The following ARID5B variants were observed in gnomAD, a reference collection of about 807,000 sequenced individuals.
ARID5B encodes the protein AT-rich interaction domain 5B.
In ARID5B, 13 loss-of-function variants were observed where a neutral mutation model predicts 97.2. That is an observed-to-expected ratio of 0.13 (90% CI 0.09 to 0.21). The LOEUF is 0.21. Ranked by LOEUF, ARID5B falls within the 10% of genes least tolerant of loss-of-function variation. ARID5B has a pLI of 1.00. For missense variants in ARID5B, 1,210 were observed against 1,465.3 expected (o/e 0.83, Z 2.84); for synonymous variants, 556 against 570.3 (o/e 0.97, Z 0.36).
chr10:62,091,094 G>A lies in ARID5B; in HGVS notation c.1631G>A (p.Ser544Asn), dbSNP rs1324959279. The change falls in exon 10 of 10, where the codon AGT (serine) becomes AAT (asparagine). Residue 544 changes from serine to asparagine, a missense_variant. Coordinates refer to ENST00000279873, the MANE Select transcript of ARID5B (RefSeq NM_032199.3). ...GEKGPTPPLP[S>N]APLAPEKDSA... is the part of the protein sequence containing the mutation. ...AAGGGGCCCACACCTCCACTCCCAA[G>A]TGCTCCTCTGGCCCCAGAAAAAGAT... 4 of 1,614,154 alleles carry A rather than the reference G, an allele frequency of 2.5e-6. No homozygotes were observed. The highest frequency in any genetic ancestry group is 3.4e-6 in the Non-Finnish European group (4 of 1,180,022).
chr10:61,902,536 T>C, intron 2 of ARID5B, 123 bp downstream of exon 2: 1 of 1,344,794 alleles, frequency 7.4e-7, no homozygotes, highest in Non-Finnish European at 1.0e-6. Flanking sequence ...GACTCCTTTT[T>C]TAAAGGGGTA....
At chr10:61,979,339 T>G (rs1483838124) in intron 3 of ARID5B, among the ~76,000 whole-genome samples, 1 of 152,372 alleles carries the variant, frequency 6.6e-6, no homozygotes, top group Middle Eastern at 3.4e-3. Context: ...GAACAGAGAC[T>G]TTAGACATCA....
intron 7 of ARID5B, among the ~76,000 whole-genome samples, chr10:62,063,734 T>C (rs1244421434): frequency 6.6e-6 from 1 of 152,248 alleles, no homozygotes; most frequent in Non-Finnish European, 1.5e-5. Flanking sequence ...CTTTGCAATG[T>C]ACCCAACTTT....
At chr10:62,008,672 A>AC (rs199992877) in intron 4 of ARID5B, among the ~76,000 whole-genome samples, 2,109 of 152,264 alleles carry the variant, frequency 0.014, 47 homozygotes, top group African/African-American at 0.048. Flanking sequence ...TGTTTTTAAC[A>AC]CCCCAGCCAG....
chr10:62,086,287 C>T (rs929996303), intron 9 of ARID5B, among the ~76,000 whole-genome samples: 11 of 152,090 alleles, frequency 7.2e-5, no homozygotes, highest in Admixed American at 2.0e-4. Context: ...GGTGCTGGTG[C>T]GACTTTAAAA....
chr10:61,974,254 T>A (rs960209990), intron 3 of ARID5B, among the ~76,000 whole-genome samples: 6 of 152,242 alleles, frequency 3.9e-5, no homozygotes, highest in African/African-American at 1.4e-4. Flanking sequence ...GGCTGTGCCA[T>A]TGTAATGAGA....
At chr10:62,013,914 T>C (rs1290011486) in intron 4 of ARID5B, among the ~76,000 whole-genome samples, 1 of 152,028 alleles carries the variant, frequency 6.6e-6, no homozygotes, top group African/African-American at 2.4e-5. Flanking sequence ...TGATACAATA[T>C]GTAATGATGA....
At chr10:62,089,702 T>G (rs1319394361) in intron 9 of ARID5B, among the ~76,000 whole-genome samples, 2 of 151,952 alleles carry the variant, frequency 1.3e-5, no homozygotes, top group Non-Finnish European at 2.9e-5. Context: ...TAATTTTTGT[T>G]TTTTTACTAG....
chr10:62,085,632 T>C (rs1281778562), intron 8 of ARID5B, 70 bp from the exon 9 acceptor site: 12 of 1,289,774 alleles, frequency 9.3e-6, no homozygotes, highest in Non-Finnish European at 1.2e-5. Flanking sequence ...GAAAAGAAAG[T>C]AAACCCCCAT....
intron 3 of ARID5B, among the ~76,000 whole-genome samples, chr10:61,946,239 G>A (rs1844496804): frequency 6.6e-6 from 1 of 152,038 alleles, no homozygotes; most frequent in Non-Finnish European, 1.5e-5. Context: ...GCAAATGGTT[G>A]TTTCAGATCA....
chr10:61,923,149 C>CT (rs1178699138), intron 2 of ARID5B, among the ~76,000 whole-genome samples: 2 of 152,224 alleles, frequency 1.3e-5, no homozygotes, highest in South Asian at 4.1e-4. Context: ...GTATGTTTTT[C>CT]TTTTTTTAGC....
Position 61,949,624 on chromosome 10 carries a change from C to T in ARID5B, c.502+9216C>T, listed in dbSNP as rs1017528300. Among the ~76,000 whole-genome samples, 12 of 151,934 alleles carry T rather than the reference C, an allele frequency of 7.9e-5. 1 individual carries two copies. Among genetic ancestry groups the T allele is most frequent in the African/African-American group, 2.7e-4 (11 of 41,362 alleles). On this transcript the variant is annotated intron_variant, in intron 3 of 9. Transcript: ENST00000279873. The stretch of plus-strand genomic sequence containing the variant: ...TGCACTCCAGCCTTGGCAACAAGAG[C>T]GAAACTTTGTCCACACCACCCCCCC...
intron 4 of ARID5B, among the ~76,000 whole-genome samples, chr10:62,035,806 T>TTTTTG (rs879729559): frequency 1.7e-4 from 26 of 151,336 alleles, no homozygotes; most frequent in East Asian, 1.6e-3. Context: ...GTAAGGAAGC[T>TTTTTG]TTTTGTTTTG....
At chr10:61,929,924 C>G (rs183402484) in intron 2 of ARID5B, among the ~76,000 whole-genome samples, 14 of 152,284 alleles carry the variant, frequency 9.2e-5, no homozygotes, top group Non-Finnish European at 1.8e-4. Context: ...TTGTACCAGG[C>G]AAGATATTTT....
chr10:61,919,217 T>C lies in ARID5B; in HGVS notation c.276+16804T>C, dbSNP rs564314499. ...TTCATGATGCAACCATCAGGAAACC[T>C]GGTATTGATCTGCAAAATGTGCAAA... is the stretch of plus-strand genomic sequence containing the variant. On this transcript the variant is annotated intron_variant, in intron 2 of 9. Transcript: ENST00000279873. 8.5e-5 allele frequency among the ~76,000 whole-genome samples: 13 copies of C among 152,278 alleles called. No individual in the cohort carries two copies. In the South Asian group the frequency reaches 2.7e-3, roughly 32 times the overall value.
intron 3 of ARID5B, among the ~76,000 whole-genome samples, chr10:61,978,706 A>G (rs1038747311): frequency 2.0e-5 from 3 of 152,172 alleles, no homozygotes; most frequent in African/African-American, 7.2e-5. Context: ...TTGCACATTG[A>G]TTTTGTATCC....
At chr10:62,071,110 A>C (rs1589284473) in intron 8 of ARID5B, among the ~76,000 whole-genome samples, 1 of 132,790 alleles carries the variant, frequency 7.5e-6, no homozygotes, top group Non-Finnish European at 1.5e-5. Flanking sequence ...ATCTCGGCCC[A>C]CTGCAACCTC....
intron 4 of ARID5B, among the ~76,000 whole-genome samples, chr10:62,031,765 T>G (rs759508988): frequency 1.7e-4 from 26 of 151,228 alleles, no homozygotes; most frequent in Admixed American, 3.4e-4. Flanking sequence ...GCTTTTCAGC[T>G]CCAGTCTTCA....
chr10:61,969,401 A>G (rs75219668), intron 3 of ARID5B, among the ~76,000 whole-genome samples: 3,614 of 152,164 alleles, frequency 0.024, 89 homozygotes, highest in Non-Finnish European at 0.028. Context: ...TATAATATGC[A>G]TTATGCACAC....
Sources: gnomAD v4.1 joint callset for allele counts (sites outside exome capture counted in the v4.1 genomes callset) on GRCh38, gnomAD v4.1.1 for gene constraint, MANE v1.5 for transcripts, NCBI Gene and HGNC (gene_info 2026-07-23, HGNC 2026-07-21) for gene names.